TTLL5: variants seen among roughly 807,000 people sequenced by gnomAD.
The protein encoded by TTLL5 is tubulin tyrosine ligase like 5, also known as tubulin polyglutamylase TTLL5.
TTLL5 carries 132 observed loss-of-function variants against 168.4 expected under a neutral mutation model. The ratio of observed to expected loss-of-function variants is 0.78; its 90% CI spans 0.68 to 0.91. The LOEUF is 0.91. Among genes scored for constraint, TTLL5 ranks in the 40% least tolerant of loss-of-function variants. TTLL5 has a pLI of 0.00. For synonymous variants in TTLL5, 546 were observed against 558.6 expected (o/e 0.98, Z 0.32); for missense variants, 1,545 against 1,581.5 (o/e 0.98, Z 0.39).
At chr14:75,893,790 C>T (rs1357384126) in intron 30 of TTLL5, among the ~76,000 whole-genome samples, 5 of 126,858 alleles carry the variant, frequency 3.9e-5, no homozygotes, top group South Asian at 2.5e-4. Flanking sequence ...TGCACTCCAG[C>T]GTGGGCAACA....
chr14:75,804,139 G>C (rs553136787), intron 27 of TTLL5, among the ~76,000 whole-genome samples: 1 of 152,254 alleles, frequency 6.6e-6, no homozygotes, highest in Non-Finnish European at 1.5e-5. Context: ...GAGGGGAGGA[G>C]ATACTTTTTG....
At chr14:75,727,952 A>G (rs928710221) in intron 12 of TTLL5, 1 of 411,146 alleles carries the variant, frequency 2.4e-6, no homozygotes, top group Admixed American at 2.8e-5. Flanking sequence ...TGTGGGTTAC[A>G]TGGATATGTC....
chr14:75,718,706 G>A (rs1343352225), intron 10 of TTLL5, among the ~76,000 whole-genome samples: 2 of 152,160 alleles, frequency 1.3e-5, no homozygotes, highest in South Asian at 4.1e-4. Flanking sequence ...AAGAAATGAG[G>A]CCATCTCAGA....
At chr14:75,790,974 C>T (rs1196819617) in intron 26 of TTLL5, among the ~76,000 whole-genome samples, 3 of 148,890 alleles carry the variant, frequency 2.0e-5, no homozygotes, top group Non-Finnish European at 3.0e-5. Context: ...GGCCTGGTGG[C>T]GGGTGCCTGT....
intron 23 of TTLL5, among the ~76,000 whole-genome samples, 194 bp downstream of exon 23, chr14:75,777,044 C>T (rs1239950833): frequency 2.6e-5 from 4 of 152,056 alleles, no homozygotes; most frequent in South Asian, 4.1e-4. Context: ...CCCAGGAATT[C>T]GAGGCCAGCT....
At chr14:75,746,122 A>C (rs923472382) in intron 17 of TTLL5, among the ~76,000 whole-genome samples, 1 of 152,186 alleles carries the variant, frequency 6.6e-6, no homozygotes, top group Non-Finnish European at 1.5e-5. Context: ...CTGCCTTCTG[A>C]CATTACAGTT....
chr14:75,888,762 C>G lies in TTLL5; in HGVS notation c.3740+5860C>G, dbSNP rs147369943. On this transcript the variant is annotated intron_variant, in intron 30 of 31. Coordinates refer to ENST00000298832, the MANE Select transcript of TTLL5 (RefSeq NM_015072.5). Reference sequence around the variant, plus strand: ...CAGCCTGGCCAACATGGTAAAAGCCCGTCTCTGCTAGAAATACAAAAAATT... The same window carrying G: ...CAGCCTGGCCAACATGGTAAAAGCCGGTCTCTGCTAGAAATACAAAAAATT... 3.9e-3 allele frequency among the ~76,000 whole-genome samples: 585 copies of G among 151,630 alleles called. 4 individuals are homozygous for G. The highest frequency in any genetic ancestry group is 0.014 in the African/African-American group (560 of 41,286).
intron 27 of TTLL5, among the ~76,000 whole-genome samples, chr14:75,804,140 A>T (rs550228132): frequency 6.6e-6 from 1 of 152,088 alleles, no homozygotes; most frequent in African/African-American, 2.4e-5. Flanking sequence ...AGGGGAGGAG[A>T]TACTTTTTGC....
chr14:75,925,678 A>G (rs1184342245), intron 31 of TTLL5, among the ~76,000 whole-genome samples: 8 of 151,994 alleles, frequency 5.3e-5, no homozygotes, highest in Non-Finnish European at 1.2e-4. Context: ...CAATCTCGGC[A>G]CTTTGGGAGG....
chr14:75,914,033 A>ATATATATATATATAT (rs1555356334), intron 31 of TTLL5, among the ~76,000 whole-genome samples: 6 of 71,098 alleles, frequency 8.4e-5, no homozygotes, highest in African/African-American at 7.8e-4. Flanking sequence ...AAAAAAAAAA[A>ATATATATATATATAT]ATATATATAT....
chr14:75,886,647 C>G, intron 30 of TTLL5: 1 of 1,584,112 alleles, frequency 6.3e-7, no homozygotes, highest in African/African-American at 1.3e-5. Flanking sequence ...TTCCTGGTGC[C>G]AATAATCTTT....
intron 31 of TTLL5, among the ~76,000 whole-genome samples, chr14:75,905,840 C>G (rs1209981473): frequency 6.6e-6 from 1 of 152,220 alleles, no homozygotes; most frequent in East Asian, 1.9e-4. Context: ...CCCTTAGCTT[C>G]TGCCTAAGCC....
intron 27 of TTLL5, among the ~76,000 whole-genome samples, chr14:75,807,436 C>A (rs1029274672): frequency 2.6e-5 from 4 of 152,150 alleles, no homozygotes; most frequent in African/African-American, 7.2e-5. Context: ...GTAAGAAAGA[C>A]CCTGTGTCAA....
At chr14:75,755,767 T>C (rs1890220026) in intron 18 of TTLL5, among the ~76,000 whole-genome samples, 1 of 152,178 alleles carries the variant, frequency 6.6e-6, no homozygotes, top group Admixed American at 6.5e-5. Context: ...TCTAAATTGA[T>C]ATTTTCCTTC....
At chr14:75,942,603 T>C (rs372652040) in intron 31 of TTLL5, among the ~76,000 whole-genome samples, 1 of 152,220 alleles carries the variant, frequency 6.6e-6, no homozygotes, top group African/African-American at 2.4e-5. Context: ...TAACTTATGC[T>C]TCCAAATGAG....
At chr14:75,688,429 G>A (rs985395932) in intron 5 of TTLL5, among the ~76,000 whole-genome samples, 28 of 152,176 alleles carry the variant, frequency 1.8e-4, no homozygotes, top group African/African-American at 6.5e-4. Flanking sequence ...CTCGCCCTGT[G>A]CATGTCTTCC....
chr14:75,718,103 T>C, intron 10 of TTLL5, 141 bp downstream of exon 10: 1 of 725,170 alleles, frequency 1.4e-6, no homozygotes, highest in Non-Finnish European at 2.3e-6. Context: ...GTCAGTCATA[T>C]AACAGTGTTG....
In TTLL5 at chr14:75,669,470, A is replaced by G. The variant is rs1004624962; in HGVS notation, c.129A>G (p.Val43=). 8.1e-6 allele frequency: 13 copies of G among 1,614,026 alleles called. No homozygotes were observed. Among genetic ancestry groups the G allele is most frequent in the African/African-American group, 6.7e-5 (5 of 74,934 alleles). The change falls in exon 3 of 32, where the codon GTA becomes GTG. Residue 43 remains valine, a synonymous_variant. Coordinates refer to ENST00000298832, the MANE Select transcript of TTLL5 (RefSeq NM_015072.5). ...GCTGCAGGAGAATTCCAGTTTTGGT[A>G]TTCCATGCCGACGCTATTCTTACAA... ...TGGCRRIPVL[V]FHADAILTKD... is the part of the protein sequence containing the mutation.
chr14:75,784,064 C>G (rs1566602916), intron 26 of TTLL5, among the ~76,000 whole-genome samples: 1 of 152,142 alleles, frequency 6.6e-6, no homozygotes, highest in African/African-American at 2.4e-5. Context: ...ATGTACAATT[C>G]AGTAATTCAG....
Sources: allele counts gnomAD v4.1 joint callset (sites outside exome capture counted in the v4.1 genomes callset), GRCh38; gene constraint gnomAD v4.1.1; transcripts MANE v1.5; gene names NCBI Gene and HGNC (gene_info 2026-07-23, HGNC 2026-07-21).